LRMDA: variants seen among roughly 807,000 people sequenced by gnomAD.
The protein encoded by LRMDA is leucine-rich melanocyte differentiation-associated protein.
Under a neutral mutation model 29.8 loss-of-function variants are expected in LRMDA, and 18 were observed. That is an observed-to-expected ratio of 0.60 (90% CI 0.42 to 0.90). The LOEUF is 0.90. LRMDA is among the 40% of genes least tolerant of loss of function. LRMDA has a pLI of 0.00. For missense variants in LRMDA, 273 were observed against 273.9 expected (o/e 1.00, Z 0.02); for synonymous variants, 125 against 109.4 (o/e 1.14, Z -0.89).
intron 6 of LRMDA, among the ~76,000 whole-genome samples, chr10:76,431,498 A>G (rs987440799): frequency 1.3e-5 from 2 of 152,216 alleles, no homozygotes; most frequent in African/African-American, 4.8e-5. Context: ...GAAAGTCACT[A>G]GTCTCCTGTA....
In LRMDA at chr10:75,461,672, C is replaced by T. The variant is rs568526325; in HGVS notation, c.131+23178C>T. 9.3e-4 allele frequency among the ~76,000 whole-genome samples: 142 copies of T among 152,334 alleles called. 1 individual carries two copies. The South Asian group carries it at 0.026, about 28-fold the overall frequency. On this transcript the variant is annotated intron_variant, in intron 2 of 6. Coordinates refer to ENST00000611255, the MANE Select transcript of LRMDA (RefSeq NM_001305581.2). ...TTGAGCATCTTGATACAAGCCTGTC[C>T]GTGTTTCCTCTCCACAGGGGAATGC... is the stretch of plus-strand genomic sequence containing the variant.
intron 5 of LRMDA, among the ~76,000 whole-genome samples, chr10:76,136,391 T>C (rs1396766247): frequency 6.6e-6 from 1 of 152,174 alleles, no homozygotes; most frequent in Non-Finnish European, 1.5e-5. Context: ...ACATTGTCAC[T>C]TGGGGAAAAA....
chr10:75,976,869 A>T (rs955498687), intron 2 of LRMDA, among the ~76,000 whole-genome samples: 9 of 152,194 alleles, frequency 5.9e-5, no homozygotes, highest in African/African-American at 2.2e-4. Context: ...TCTCTAGTAG[A>T]TACTGAATAA....
chr10:76,420,431 T>G (rs1349935824), intron 6 of LRMDA, among the ~76,000 whole-genome samples: 1 of 151,996 alleles, frequency 6.6e-6, no homozygotes, highest in African/African-American at 2.4e-5. Flanking sequence ...TATTTTACTC[T>G]TGAGCAGTCT....
intron 6 of LRMDA, among the ~76,000 whole-genome samples, chr10:76,421,039 G>A (rs1564536600): frequency 6.6e-6 from 1 of 152,068 alleles, no homozygotes; most frequent in Non-Finnish European, 1.5e-5. Context: ...GTATGATCAA[G>A]TTTGAAGATT....
chr10:76,294,078 TG>T lies in LRMDA; in HGVS notation c.517-30322del, dbSNP rs1435181866. 7.9e-5 allele frequency among the ~76,000 whole-genome samples: 12 copies of T among 152,340 alleles called. No individual in the cohort carries two copies. The East Asian group carries it at 2.1e-3, about 27-fold the overall frequency. ...AGAGGAGTTGACAAGCTGGGTGTTC[TG>T]ATATTGGCTGTGCTGATGTTTGCTC... On this transcript the variant is annotated intron_variant, in intron 5 of 6. Coordinates refer to ENST00000611255, the MANE Select transcript of LRMDA (RefSeq NM_001305581.2).
At chr10:75,759,668 ATATTT>A (rs1449015683) in intron 2 of LRMDA, among the ~76,000 whole-genome samples, 1 of 152,208 alleles carries the variant, frequency 6.6e-6, no homozygotes, top group Admixed American at 6.5e-5. Flanking sequence ...TTGTTATGTG[ATATTT>A]TATTTATGAG....
intron 6 of LRMDA, among the ~76,000 whole-genome samples, chr10:76,487,276 ATTGAAG>A (rs1408545227): frequency 6.6e-6 from 1 of 151,936 alleles, no homozygotes; most frequent in African/African-American, 2.4e-5. Flanking sequence ...CCCCTAAGTC[ATTGAAG>A]TTTAAGAGAC....
chr10:75,530,644 G>T (rs1195708381), intron 2 of LRMDA, among the ~76,000 whole-genome samples: 1 of 152,152 alleles, frequency 6.6e-6, no homozygotes, highest in Non-Finnish European at 1.5e-5. Flanking sequence ...CTCCTTCACT[G>T]TGGGAATGGC....
chr10:76,542,786 A>T (rs1843372746), intron 6 of LRMDA, among the ~76,000 whole-genome samples: 1 of 152,194 alleles, frequency 6.6e-6, no homozygotes, highest in Non-Finnish European at 1.5e-5. Context: ...TCTTCCCTTG[A>T]CATATTGATG....
Position 75,840,329 on chromosome 10 carries a change from G to T in LRMDA, c.132-195679G>T, listed in dbSNP as rs1362478612. Among the ~76,000 whole-genome samples, 5 of 152,142 alleles carry T rather than the reference G, an allele frequency of 3.3e-5. No individual in the cohort carries two copies. In the East Asian group the frequency reaches 9.6e-4, roughly 29 times the overall value. On this transcript the variant is annotated intron_variant, in intron 2 of 6. Transcript: ENST00000611255. ...CAGTTTGTGAAATGAAGATGGTAAT[G>T]CTTCCTTTCCAGGGTTGGTCTAAGT...
chr10:75,764,130 T>C (rs1382087355), intron 2 of LRMDA, among the ~76,000 whole-genome samples: 1 of 152,138 alleles, frequency 6.6e-6, no homozygotes, highest in East Asian at 1.9e-4. Flanking sequence ...TGTCTTAGCC[T>C]CTCCCTTTCT....
chr10:75,664,701 T>C (rs1841798826), intron 2 of LRMDA, among the ~76,000 whole-genome samples: 1 of 152,030 alleles, frequency 6.6e-6, no homozygotes, highest in Non-Finnish European at 1.5e-5. Flanking sequence ...AGGAATACAA[T>C]GATTAAAGGC....
rs1843575194 is a variant in LRMDA at position 76,557,659 on chromosome 10, TG to T, written c.*372del. 1 of 247,366 alleles carries T rather than the reference TG, an allele frequency of 4.0e-6. No homozygotes were observed. Among genetic ancestry groups the T allele is most frequent in the Non-Finnish European group, 7.8e-6 (1 of 128,452 alleles). The allele number at this position is 247,366 out of a possible 1,614,324, so 15.3% of individuals were successfully genotyped here. ...GGCCTCCCTGGACATGCTCAGTGGC[TG>T]CAGTCAAGTGAGAAAGACTGTCCTC... On this transcript the variant is annotated 3_prime_UTR_variant, in exon 7 of 7. Transcript: ENST00000611255.
chr10:76,276,914 C>G (rs1269262785), intron 5 of LRMDA, among the ~76,000 whole-genome samples: 1 of 152,140 alleles, frequency 6.6e-6, no homozygotes, highest in African/African-American at 2.4e-5. Flanking sequence ...TGCCTGTACA[C>G]TCAAGAGTTA....
At chr10:76,478,504 C>G (rs1257581038) in intron 6 of LRMDA, among the ~76,000 whole-genome samples, 1 of 152,108 alleles carries the variant, frequency 6.6e-6, no homozygotes, top group African/African-American at 2.4e-5. Flanking sequence ...CCTCAGGGAT[C>G]TAGAACTAGA....
chr10:76,187,778 G>A (rs933398574), intron 5 of LRMDA, among the ~76,000 whole-genome samples: 9 of 152,116 alleles, frequency 5.9e-5, no homozygotes, highest in African/African-American at 1.9e-4. Context: ...GGGTGAGTTC[G>A]GGGGACCATT....
At chr10:76,021,820 A>G (rs761160289) in intron 2 of LRMDA, among the ~76,000 whole-genome samples, 2 of 152,246 alleles carry the variant, frequency 1.3e-5, no homozygotes, top group Non-Finnish European at 2.9e-5. Flanking sequence ...TGAGCTGTTT[A>G]GTAATGAGTG....
chr10:76,328,902 T>C (rs1245816123), intron 6 of LRMDA, among the ~76,000 whole-genome samples: 4 of 152,178 alleles, frequency 2.6e-5, no homozygotes, highest in Non-Finnish European at 5.9e-5. Context: ...AGAGTTTTAA[T>C]GGAAGGAATT....
Sources: allele counts gnomAD v4.1 joint callset (sites outside exome capture counted in the v4.1 genomes callset), GRCh38; gene constraint gnomAD v4.1.1; transcripts MANE v1.5; gene names NCBI Gene and HGNC (gene_info 2026-07-23, HGNC 2026-07-21).